Variants in GPHN observed in about 807,000 individuals in gnomAD.
GPHN encodes gephyrin.
In GPHN, 17 loss-of-function variants were observed where a neutral mutation model predicts 95.5. That is an observed-to-expected ratio of 0.18 (90% CI 0.12 to 0.27). GPHN has a LOEUF of 0.27. Among genes scored for constraint, GPHN ranks in the 10% least tolerant of loss-of-function variants. GPHN has a pLI of 1.00. For synonymous variants in GPHN, 320 were observed against 322.5 expected (o/e 0.99, Z 0.08); for missense variants, 660 against 978.1 (o/e 0.67, Z 4.34).
At chr14:67,590,250 T>A in the GPHN span, 20 of 95,964 alleles carry the variant, frequency 2.1e-4, no homozygotes, top group South Asian at 7.0e-4. Context: ...CACTTGCAAA[T>A]TTTTTTTTTT....
chr14:66,817,027 A>G (rs2060997513), intron 3 of GPHN, among the ~76,000 whole-genome samples: 3 of 152,138 alleles, frequency 2.0e-5, no homozygotes, highest in Admixed American at 2.0e-4. Flanking sequence ...AAATGTAAAG[A>G]AAACATTATA....
the GPHN span, chr14:67,559,599 T>G: frequency 6.3e-7 from 1 of 1,576,946 alleles, no homozygotes; most frequent in East Asian, 2.3e-5. Flanking sequence ...GGCCCTCTCT[T>G]TCTTGCAGAA....
the GPHN span, among the ~76,000 whole-genome samples, chr14:67,291,877 A>G: frequency 6.6e-6 from 1 of 152,228 alleles, no homozygotes; most frequent in Non-Finnish European, 1.5e-5. Flanking sequence ...CTCCCTAGAA[A>G]AGCTGTTTGA....
chr14:67,284,969 T>G, the GPHN span, among the ~76,000 whole-genome samples: 1 of 152,174 alleles, frequency 6.6e-6, no homozygotes. Context: ...CAGGCTGGTC[T>G]TGACCTCCTG....
the GPHN span, chr14:67,271,923 T>A: frequency 6.6e-6 from 1 of 151,828 alleles, no homozygotes; most frequent in Non-Finnish European, 1.5e-5. Flanking sequence ...ATACAAAAAT[T>A]AGCTGGGTAT....
chr14:67,587,122 A>G, the GPHN span: 32 of 1,613,638 alleles, frequency 2.0e-5, no homozygotes, highest in Non-Finnish European at 2.7e-5. Flanking sequence ...CCATTGCACT[A>G]CAACTGTGAA....
intron 5 of GPHN, among the ~76,000 whole-genome samples, chr14:66,886,587 G>A (rs1209430891): frequency 3.3e-5 from 5 of 151,208 alleles, no homozygotes; most frequent in Non-Finnish European, 5.9e-5. Flanking sequence ...AAGTACAATC[G>A]CTGAAAAAAA....
the GPHN span, chr14:67,204,634 C>A: frequency 2.5e-6 from 4 of 1,613,822 alleles, no homozygotes. Flanking sequence ...CTACTTACAG[C>A]TCTGCACCTC....
chr14:67,029,176 A>G (rs910483932), intron 10 of GPHN, among the ~76,000 whole-genome samples: 4 of 151,826 alleles, frequency 2.6e-5, no homozygotes, highest in African/African-American at 7.3e-5. Context: ...TTGGTTCCCT[A>G]TTCTGTTTCA....
At chr14:67,713,966 G>A in the GPHN span, among the ~76,000 whole-genome samples, 1 of 152,142 alleles carries the variant, frequency 6.6e-6, no homozygotes, top group African/African-American at 2.4e-5. Flanking sequence ...TCTTAATGAG[G>A]AGAGGTATGA....
At chr14:66,610,753 A>G (rs2062747001) in intron 1 of GPHN, among the ~76,000 whole-genome samples, 1 of 152,126 alleles carries the variant, frequency 6.6e-6, no homozygotes, top group Admixed American at 6.6e-5. Flanking sequence ...TCACAATACA[A>G]CATGGGCAAG....
the GPHN span, among the ~76,000 whole-genome samples, chr14:67,665,040 A>G: frequency 6.6e-6 from 1 of 152,046 alleles, no homozygotes; most frequent in East Asian, 1.9e-4. Flanking sequence ...TAATTTTTCT[A>G]TTTTTTGGTA....
At chr14:67,409,844 T>C in the GPHN span, among the ~76,000 whole-genome samples, 1 of 152,122 alleles carries the variant, frequency 6.6e-6, no homozygotes. Flanking sequence ...CCAGTGGACA[T>C]AGGGAATGCT....
intron 1 of GPHN, among the ~76,000 whole-genome samples, chr14:66,508,825 G>C (rs1273814199): frequency 6.6e-6 from 1 of 152,180 alleles, no homozygotes; most frequent in Non-Finnish European, 1.5e-5. Flanking sequence ...TTAGGCCCCA[G>C]CGCCTTCGGA....
chr14:67,637,517 G>A, the GPHN span, among the ~76,000 whole-genome samples: 10 of 150,062 alleles, frequency 6.7e-5, no homozygotes, highest in African/African-American at 2.5e-4. Flanking sequence ...AAAAAAAACT[G>A]TAGCAGATGG....
At chr14:67,715,768 C>T in the GPHN span, among the ~76,000 whole-genome samples, 1 of 152,086 alleles carries the variant, frequency 6.6e-6, no homozygotes, top group Non-Finnish European at 1.5e-5. Flanking sequence ...ATCTCATAAC[C>T]AGGGAGAGAT....
At chr14:67,006,144 A>G (rs537456312) in intron 9 of GPHN, among the ~76,000 whole-genome samples, 1 of 152,206 alleles carries the variant, frequency 6.6e-6, no homozygotes, top group African/African-American at 2.4e-5. Flanking sequence ...GCAGAGCATA[A>G]GCAGCAGCTT....
chr14:67,346,951 T>G, the GPHN span, among the ~76,000 whole-genome samples: 1 of 152,194 alleles, frequency 6.6e-6, no homozygotes. Flanking sequence ...TTGAAATATT[T>G]TAAGATATGT....
intron 2 of GPHN, among the ~76,000 whole-genome samples, chr14:66,689,394 G>A (rs2067621093): frequency 6.6e-6 from 1 of 152,044 alleles, no homozygotes; most frequent in Admixed American, 6.6e-5. Flanking sequence ...TTTATGCCTG[G>A]GATAAATCCT....
Sources: gnomAD v4.1 joint callset for allele counts (sites outside exome capture counted in the v4.1 genomes callset) on GRCh38, gnomAD v4.1.1 for gene constraint, MANE v1.5 for transcripts, NCBI Gene and HGNC (gene_info 2026-07-23, HGNC 2026-07-21) for gene names.